SLC4A10: variants seen among roughly 807,000 people sequenced by gnomAD.
SLC4A10 encodes the protein sodium-driven chloride bicarbonate exchanger.
Under a neutral mutation model 137.7 loss-of-function variants are expected in SLC4A10, and 42 were observed. The observed-to-expected ratio is 0.30, with a 90% CI of 0.24 to 0.39. SLC4A10 has a LOEUF of 0.39. SLC4A10 is among the 10% of genes least tolerant of loss of function. The probability of loss-of-function intolerance (pLI) is 1.00; values close to 1 mark genes in which losing one functional copy is unlikely to be tolerated. For missense variants in SLC4A10, 925 were observed against 1,355.0 expected (o/e 0.68, Z 4.98); for synonymous variants, 474 against 464.1 (o/e 1.02, Z -0.27).
intron 1 of SLC4A10, among the ~76,000 whole-genome samples, chr2:161,768,582 T>C (rs1441665007): frequency 6.6e-6 from 1 of 151,970 alleles, no homozygotes; most frequent in Admixed American, 6.6e-5. Context: ...TGACTCTTCT[T>C]ATGATTCAAG....
intron 15 of SLC4A10, among the ~76,000 whole-genome samples, chr2:161,914,129 C>T (rs1275957678): frequency 6.6e-6 from 1 of 152,060 alleles, no homozygotes; most frequent in Admixed American, 6.6e-5. Flanking sequence ...ATAGACCTAG[C>T]CAAATTTGGT....
At chr2:161,892,886 G>C (rs1051658608) in intron 10 of SLC4A10, among the ~76,000 whole-genome samples, 2 of 151,848 alleles carry the variant, frequency 1.3e-5, no homozygotes, top group African/African-American at 2.4e-5. Context: ...AGATAAATTA[G>C]GTTATGCTGC....
At chr2:161,880,676 T>A (rs1272689052) in intron 9 of SLC4A10, among the ~76,000 whole-genome samples, 1 of 152,154 alleles carries the variant, frequency 6.6e-6, no homozygotes, top group African/African-American at 2.4e-5. Context: ...GGACAACCTG[T>A]AACCTATTCA....
rs112554922 is a variant in SLC4A10 at position 161,789,252 on chromosome 2, G to A, written c.131-15197G>A. On this transcript the variant is annotated intron_variant, in intron 2 of 26. Transcript: ENST00000446997. ...GATTTCAAGGGCAGAGGGGTTCTCTGACAATTTGTCAGTCAGCAGTTAGTC... is the reference window on the plus strand; with the variant it reads ...GATTTCAAGGGCAGAGGGGTTCTCTAACAATTTGTCAGTCAGCAGTTAGTC... 2.0e-4 allele frequency among the ~76,000 whole-genome samples: 30 copies of A among 152,316 alleles called. 1 individual carries two copies. The highest frequency in any genetic ancestry group is 7.2e-4 in the African/African-American group (30 of 41,584).
At chr2:161,736,601 C>T (rs1486052676) in intron 1 of SLC4A10, among the ~76,000 whole-genome samples, 1 of 152,096 alleles carries the variant, frequency 6.6e-6, no homozygotes, top group Non-Finnish European at 1.5e-5. Flanking sequence ...CATTATAAAA[C>T]CATCAGATCT....
intron 9 of SLC4A10, among the ~76,000 whole-genome samples, chr2:161,879,546 CTT>C (rs71408189): frequency 3.7e-4 from 46 of 124,984 alleles, no homozygotes; most frequent in South Asian, 1.6e-3. Flanking sequence ...CATATGAATC[CTT>C]TTTTTTTTTT....
intron 3 of SLC4A10, among the ~76,000 whole-genome samples, chr2:161,836,099 A>G (rs528711502): frequency 6.6e-6 from 1 of 152,366 alleles, no homozygotes; most frequent in African/African-American, 2.4e-5. Flanking sequence ...GATGATGTCA[A>G]GACAAGCTGT....
intron 2 of SLC4A10, among the ~76,000 whole-genome samples, chr2:161,797,305 C>G (rs1017837614): frequency 6.6e-6 from 1 of 151,954 alleles, no homozygotes; most frequent in African/African-American, 2.4e-5. Context: ...GATGTAAAAC[C>G]TGCTTATTGT....
intron 1 of SLC4A10, among the ~76,000 whole-genome samples, chr2:161,691,374 TAGAA>T (rs938381967): frequency 1.5e-4 from 22 of 150,338 alleles, no homozygotes; most frequent in Admixed American, 2.7e-4. Flanking sequence ...AAAAAAAAAA[TAGAA>T]AGAATGAATA....
intron 2 of SLC4A10, among the ~76,000 whole-genome samples, chr2:161,783,781 A>T (rs568033619): frequency 2.5e-3 from 379 of 151,874 alleles, no homozygotes; most frequent in African/African-American, 8.7e-3. Context: ...GGTATCAAAG[A>T]TTCCCAACAA....
At chr2:161,708,567 T>G (rs1182514050) in intron 1 of SLC4A10, 3 of 945,216 alleles carry the variant, frequency 3.2e-6, no homozygotes, top group Non-Finnish European at 4.4e-6. Flanking sequence ...TGTGTCAGTC[T>G]CTCTTAGTAT....
intron 1 of SLC4A10, among the ~76,000 whole-genome samples, chr2:161,707,633 A>G (rs1219857692): frequency 6.6e-6 from 1 of 151,480 alleles, no homozygotes; most frequent in Non-Finnish European, 1.5e-5. Flanking sequence ...AGAAAACAGT[A>G]CTCAAACTTT....
chr2:161,750,215 T>A (rs913595394), intron 1 of SLC4A10, among the ~76,000 whole-genome samples: 4 of 151,698 alleles, frequency 2.6e-5, no homozygotes, highest in Admixed American at 6.6e-5. Context: ...GTTCGATTAT[T>A]TTTTCTGTCA....
chr2:161,813,483 G>A (rs1307768199), intron 3 of SLC4A10, among the ~76,000 whole-genome samples: 1 of 152,100 alleles, frequency 6.6e-6, no homozygotes, highest in Non-Finnish European at 1.5e-5. Flanking sequence ...TGGGCTGAGA[G>A]TGTAGGATAT....
chr2:161,719,764 A>C (rs1478415524), intron 1 of SLC4A10, among the ~76,000 whole-genome samples: 1 of 151,716 alleles, frequency 6.6e-6, no homozygotes, highest in East Asian at 1.9e-4. Flanking sequence ...TTTCTTGTAA[A>C]TTTGAGTTCA....
chr2:161,788,599 A>G (rs1254138943), intron 2 of SLC4A10, among the ~76,000 whole-genome samples: 1 of 152,136 alleles, frequency 6.6e-6, no homozygotes, highest in Non-Finnish European at 1.5e-5. Flanking sequence ...GATCTTCAGC[A>G]TATAGACATT....
In SLC4A10 at chr2:161,873,951, A is replaced by C. The variant is rs779501371; in HGVS notation, c.894A>C (p.Pro298=). The C allele has an allele frequency of 1.3e-6, 2 of 1,595,390 alleles. No individual in the cohort carries two copies. Among genetic ancestry groups the C allele is most frequent in the Non-Finnish European group, 1.7e-6 (2 of 1,178,390 alleles). Residue 298 remains proline, a synonymous_variant, in exon 8 of 27, where the codon CCA becomes CCC. Coordinates refer to ENST00000446997, the MANE Select transcript of SLC4A10 (RefSeq NM_001178015.2). ...LGGQQKGHTS[P]CGMKQRHEKG... is the part of the protein sequence containing the mutation. ...GCCAACAAAAGGGGCATACTAGTCC[A>C]TGTGGGATGAAACAAAGGCATGAAA...
intron 1 of SLC4A10, among the ~76,000 whole-genome samples, chr2:161,667,713 T>G (rs1209689116): frequency 6.6e-6 from 1 of 151,738 alleles, no homozygotes; most frequent in Non-Finnish European, 1.5e-5. Flanking sequence ...ACTGCCACTC[T>G]CAAGTAATAC....
chr2:161,745,354 G>A (rs765942670), intron 1 of SLC4A10, among the ~76,000 whole-genome samples: 2 of 152,032 alleles, frequency 1.3e-5, no homozygotes, highest in African/African-American at 2.4e-5. Flanking sequence ...AGAGACTCTC[G>A]TGTTCTTCAG....
Sources: allele counts gnomAD v4.1 joint callset (sites outside exome capture counted in the v4.1 genomes callset), GRCh38; gene constraint gnomAD v4.1.1; transcripts MANE v1.5; gene names NCBI Gene and HGNC (gene_info 2026-07-23, HGNC 2026-07-21).